Variants in MRTFA observed in about 807,000 individuals in gnomAD.
MRTFA encodes myocardin-related transcription factor A.
In MRTFA, 20 loss-of-function variants were observed where a neutral mutation model predicts 83.5. The ratio of observed to expected loss-of-function variants is 0.24; its 90% confidence interval spans 0.17 to 0.35. MRTFA has a LOEUF of 0.35. Ranked by LOEUF, MRTFA falls within the 10% of genes least tolerant of loss-of-function variation. The pLI, the probability that MRTFA is intolerant of heterozygous loss-of-function variation, is 1.00. For missense variants in MRTFA, 1,200 were observed against 1,224.7 expected (o/e 0.98, Z 0.30); for synonymous variants, 659 against 541.2 (o/e 1.22, Z -3.02).
chr22:40,455,846 ATT>A (rs2053577925), intron 4 of MRTFA, among the ~76,000 whole-genome samples: 2 of 150,452 alleles, frequency 1.3e-5, no homozygotes, highest in African/African-American at 2.4e-5. Context: ...GTATGTATGT[ATT>A]TATGAGATGA....
intron 3 of MRTFA, among the ~76,000 whole-genome samples, chr22:40,508,513 CA>C (rs1175724448): frequency 0.035 from 903 of 26,022 alleles, 4 homozygotes; most frequent in Middle Eastern, 0.18. Context: ...CTCCGTCTCT[CA>C]AAAAAAAAAA....
At chr22:40,559,479 G>C (rs1157056648) in intron 2 of MRTFA, among the ~76,000 whole-genome samples, 1 of 152,098 alleles carries the variant, frequency 6.6e-6, no homozygotes, top group African/African-American at 2.4e-5. Context: ...GAGTGCAATG[G>C]AATGATCATA....
intron 3 of MRTFA, among the ~76,000 whole-genome samples, chr22:40,503,785 G>A (rs1309379255): frequency 6.6e-6 from 1 of 152,196 alleles, no homozygotes; most frequent in African/African-American, 2.4e-5. Context: ...AGCCAGGCAT[G>A]GTGGCGCATG....
chr22:40,558,478 C>T (rs1227940349), intron 2 of MRTFA, among the ~76,000 whole-genome samples: 1 of 151,712 alleles, frequency 6.6e-6, no homozygotes, highest in Non-Finnish European at 1.5e-5. Context: ...AAACTTCTTC[C>T]TACTACTTTG....
intron 4 of MRTFA, among the ~76,000 whole-genome samples, chr22:40,453,897 T>C (rs941112383): frequency 1.3e-5 from 2 of 152,118 alleles, no homozygotes; most frequent in Non-Finnish European, 2.9e-5. Flanking sequence ...GCCACTTGTT[T>C]GTTTGCTTTC....
At chr22:40,506,209 C>T (rs2054578514) in intron 3 of MRTFA, among the ~76,000 whole-genome samples, 1 of 152,096 alleles carries the variant, frequency 6.6e-6, no homozygotes, top group Admixed American at 6.5e-5. Flanking sequence ...ACTCCAGCCA[C>T]TCCAGCCTGG....
chr22:40,532,773 TTTGAGTGAAAGCCAGTGGA>T (rs1294068673), intron 3 of MRTFA, among the ~76,000 whole-genome samples: 1 of 152,206 alleles, frequency 6.6e-6, no homozygotes, highest in Non-Finnish European at 1.5e-5. Context: ...CTTATTTTCC[TTTGAGTGAAAGCCAGTGGA>T]TGGGGAAGAG....
At chr22:40,429,176 A>G (rs2053016861) in intron 7 of MRTFA, among the ~76,000 whole-genome samples, 1 of 152,212 alleles carries the variant, frequency 6.6e-6, no homozygotes. Context: ...GTTTGGGTCC[A>G]TCAGTATTTG....
At chr22:40,571,240 T>C (rs574346517) in intron 2 of MRTFA, among the ~76,000 whole-genome samples, 84 of 151,974 alleles carry the variant, frequency 5.5e-4, no homozygotes, top group African/African-American at 1.9e-3. Flanking sequence ...GAAGTTAGAC[T>C]GCCTACCTCA....
intron 1 of MRTFA, among the ~76,000 whole-genome samples, chr22:40,619,977 G>A (rs2056501624): frequency 6.7e-6 from 1 of 149,768 alleles, no homozygotes; most frequent in Non-Finnish European, 1.5e-5. Flanking sequence ...ATTTATTTTT[G>A]GAGACAGAGT....
chr22:40,518,277 G>A (rs768215292), intron 3 of MRTFA, among the ~76,000 whole-genome samples: 3 of 152,050 alleles, frequency 2.0e-5, no homozygotes, highest in Admixed American at 6.6e-5. Flanking sequence ...ACTATCGATC[G>A]GCATCTGAAG....
In MRTFA at chr22:40,508,847, C is replaced by CA. The variant is rs67844311; in HGVS notation, c.241+43258dup. ...CAACATAGCGAGACTCTGCCTCTAC[C>CA]AAAAAAAAAAAAAAAAGAACTTGGT... is the stretch of plus-strand genomic sequence containing the variant. On this transcript the variant is annotated intron_variant, in intron 3 of 14. Coordinates refer to ENST00000355630, the MANE Select transcript of MRTFA (RefSeq NM_020831.6). Among the ~76,000 whole-genome samples, 435 of 111,000 alleles carry CA rather than the reference C, an allele frequency of 3.9e-3. 2 individuals are homozygous for CA. The highest frequency in any genetic ancestry group is 7.7e-3 in the African/African-American group (220 of 28,656). 72.8% of individuals were successfully genotyped at this position (111,000 alleles called of 152,430 possible).
In MRTFA at chr22:40,517,516, G is replaced by A. The variant is rs1019634158; in HGVS notation, c.241+34590C>T. Reference sequence around the variant, plus strand: ...AGGCCAGCTGGGTACAATCTTAGCCGTAAAATGGGATAAGAGCACCCATCT... The same window carrying A: ...AGGCCAGCTGGGTACAATCTTAGCCATAAAATGGGATAAGAGCACCCATCT... On this transcript the variant is annotated intron_variant, in intron 3 of 14. Coordinates refer to ENST00000355630, the MANE Select transcript of MRTFA (RefSeq NM_020831.6). Among the ~76,000 whole-genome samples, 15 of 152,158 alleles carry A rather than the reference G, an allele frequency of 9.9e-5. 1 individual carries two copies. The highest frequency in any genetic ancestry group is 9.2e-4 in the Admixed American group (14 of 15,278).
chr22:40,496,301 G>A (rs1191348125), intron 3 of MRTFA, among the ~76,000 whole-genome samples: 3 of 151,422 alleles, frequency 2.0e-5, no homozygotes, highest in East Asian at 3.9e-4. Context: ...TAAGCACTCA[G>A]TAAATTTGAG....
intron 1 of MRTFA, among the ~76,000 whole-genome samples, chr22:40,633,104 C>A (rs1185514400): frequency 6.6e-6 from 1 of 152,222 alleles, no homozygotes. Flanking sequence ...TCAATGTTTT[C>A]TCTTTTCTCT....
chr22:40,480,278 T>A (rs1484852213), intron 3 of MRTFA, among the ~76,000 whole-genome samples: 12 of 151,856 alleles, frequency 7.9e-5, no homozygotes, highest in Admixed American at 1.3e-4. Flanking sequence ...ATGTTTATTT[T>A]TTTTTTTTTA....
chr22:40,490,820 A>G (rs2054260730), intron 3 of MRTFA, among the ~76,000 whole-genome samples: 1 of 152,220 alleles, frequency 6.6e-6, no homozygotes, highest in African/African-American at 2.4e-5. Context: ...TATACATTGT[A>G]TATAAATTCT....
rs1438176603 is a variant in MRTFA at position 40,423,616 on chromosome 22, G to A, written c.847C>T (p.Pro283Ser). 7 of 1,599,330 alleles carry A rather than the reference G, an allele frequency of 4.4e-6. No individual in the cohort carries two copies. The Admixed American group carries it at 1.2e-4, about 27-fold the overall frequency. The change falls in exon 9 of 15, where the codon CCT becomes TCT. Residue 283 changes from proline (P) to serine (S), a missense_variant. Pro to Ser is a moderately conservative substitution (Grantham distance 74). Around this residue, in one of 2 missense-constraint regions of MRTFA, gnomAD observed 1,107 missense variants for 1,041.8 expected, o/e 1.06. Coordinates refer to ENST00000355630, the MANE Select transcript of MRTFA (RefSeq NM_020831.6). ...CTGGGAGGCAGCAGAGGTGGGGGAG[G>A]CAGAGGAGGCTGCTCTGCCAGGAAA...
At chr22:40,583,109 A>C (rs1281814555) in intron 2 of MRTFA, among the ~76,000 whole-genome samples, 1 of 152,164 alleles carries the variant, frequency 6.6e-6, no homozygotes, top group Non-Finnish European at 1.5e-5. Context: ...TCTATTACTA[A>C]TATTCTTCCC....
Sources: gnomAD v4.1 joint callset for allele counts (sites outside exome capture counted in the v4.1 genomes callset) on GRCh38, gnomAD v4.1.1 for gene constraint, gnomAD v4.1.1 regional missense constraint, MANE v1.5 for transcripts, NCBI Gene and HGNC (gene_info 2026-07-23, HGNC 2026-07-21) for gene names.